The following KLHL13 variants were observed in gnomAD, a reference collection of about 807,000 sequenced individuals.
The protein encoded by KLHL13 is kelch like family member 13.
KLHL13 carries 10 observed loss-of-function variants against 37.1 expected under a neutral mutation model. The observed-to-expected ratio is 0.27, with a 90% CI of 0.17 to 0.46. KLHL13 has a LOEUF of 0.46. KLHL13 is among the 20% of genes least tolerant of loss of function. The pLI is 1.00. For missense variants in KLHL13, 360 were observed against 509.3 expected (o/e 0.71, Z 2.82); for synonymous variants, 163 against 181.2 (o/e 0.90, Z 0.81).
intron 1 of KLHL13, among the ~76,000 whole-genome samples, chrX:118,001,038 G>T (rs1057284335): frequency 1.8e-5 from 2 of 112,012 alleles, no homozygotes; most frequent in Admixed American, 1.9e-4. Context: ...CAAGCAAAAA[G>T]TGTAAAGAAC....
chrX:118,062,256 C>T (rs1006771370), intron 1 of KLHL13, among the ~76,000 whole-genome samples: 3 of 110,951 alleles, frequency 2.7e-5, no homozygotes, highest in Non-Finnish European at 3.8e-5. Flanking sequence ...GTGAGAATAT[C>T]GTACTTCCTC....
chrX:118,040,957 T>C (rs1037946037), intron 1 of KLHL13, among the ~76,000 whole-genome samples: 3 of 112,228 alleles, frequency 2.7e-5, no homozygotes, highest in Non-Finnish European at 1.9e-5. Flanking sequence ...TAGAGTAGTA[T>C]ATCTGGCAAA....
At position 118,105,003 on chromosome X, in the gene KLHL13, A is replaced by G. The variant is rs762680050; in HGVS notation, c.-56+11505T>C. Among the ~76,000 whole-genome samples the G allele has an allele frequency of 8.9e-3, 1,001 of 112,552 alleles. 13 individuals carry two copies. The highest frequency in any genetic ancestry group is 0.03 in the African/African-American group (940 of 31,048). On this transcript the variant is annotated intron_variant, in intron 1 of 6. Transcript: ENST00000371882. Reference sequence around the variant, plus strand: ...GCTCTGATTAGCTGTCAGTAAAAAGATTGTCAATTTGTTTTAACCTCTAAA... The same window carrying G: ...GCTCTGATTAGCTGTCAGTAAAAAGGTTGTCAATTTGTTTTAACCTCTAAA...
intron 1 of KLHL13, among the ~76,000 whole-genome samples, chrX:118,005,570 T>C (rs1277209636): frequency 9.0e-6 from 1 of 111,367 alleles, no homozygotes; most frequent in Non-Finnish European, 1.9e-5. Flanking sequence ...TCCTCAACAT[T>C]GGAAGAGGAA....
intron 1 of KLHL13, among the ~76,000 whole-genome samples, chrX:117,997,829 A>C (rs1237022049): frequency 3.6e-5 from 4 of 111,939 alleles, no homozygotes; most frequent in Admixed American, 2.9e-4. Context: ...CTAGTTTGTA[A>C]GTACCCCTGA....
At chrX:118,001,319 G>A (rs1326902326) in intron 1 of KLHL13, among the ~76,000 whole-genome samples, 2 of 111,701 alleles carry the variant, frequency 1.8e-5, no homozygotes, top group African/African-American at 3.3e-5. Context: ...GATATTCTAT[G>A]GCTCCTGCAG....
At chrX:118,091,987 C>T (rs768776068) in intron 1 of KLHL13, among the ~76,000 whole-genome samples, 8 of 111,924 alleles carry the variant, frequency 7.1e-5, no homozygotes, top group Non-Finnish European at 1.5e-4. Flanking sequence ...TGTATTCTCA[C>T]TCATATGCGG....
chrX:117,996,688 C>G (rs1296942703), intron 1 of KLHL13, among the ~76,000 whole-genome samples: 1 of 110,408 alleles, frequency 9.1e-6, no homozygotes, highest in African/African-American at 3.3e-5. Context: ...GTGTGATATA[C>G]CAGGCTTTTT....
At chrX:117,927,387 C>A (rs1037975590) in intron 2 of KLHL13, among the ~76,000 whole-genome samples, 2 of 112,247 alleles carry the variant, frequency 1.8e-5, no homozygotes, top group East Asian at 5.7e-4. Context: ...AAAGAGGAAC[C>A]TTTCTCCTTG....
chrX:118,071,879 A>C (rs1333973383), intron 1 of KLHL13, among the ~76,000 whole-genome samples: 6 of 106,144 alleles, frequency 5.7e-5, no homozygotes, highest in African/African-American at 2.1e-4. Context: ...AGGAAGAATC[A>C]ATATCGTGAA....
chrX:118,009,210 C>T (rs1423572525), intron 1 of KLHL13, among the ~76,000 whole-genome samples: 1 of 97,179 alleles, frequency 1.0e-5, no homozygotes, highest in Admixed American at 1.2e-4. Context: ...TGCCTGTTCA[C>T]TCTGATGGTA....
At chrX:117,920,041 TAA>T (rs1367932316) in intron 3 of KLHL13, among the ~76,000 whole-genome samples, 195 bp downstream of exon 4, 1 of 106,955 alleles carries the variant, frequency 9.3e-6, no homozygotes, top group Non-Finnish European at 1.9e-5. Context: ...AGCTGTGAGA[TAA>T]AGATGGACAG....
intron 1 of KLHL13, among the ~76,000 whole-genome samples, chrX:117,988,189 A>G (rs1457689505): frequency 8.9e-6 from 1 of 112,263 alleles, no homozygotes; most frequent in African/African-American, 3.2e-5. Context: ...CCAAATTCAC[A>G]TAACTAGTTC....
chrX:117,988,511 T>C (rs768474779), intron 1 of KLHL13, among the ~76,000 whole-genome samples: 27 of 112,105 alleles, frequency 2.4e-4, no homozygotes, highest in African/African-American at 8.7e-4. Context: ...GGAGTATTTA[T>C]ATTGGAAGCA....
intron 1 of KLHL13, among the ~76,000 whole-genome samples, chrX:118,006,633 T>C (rs1435572963): frequency 2.7e-5 from 3 of 112,283 alleles, no homozygotes; most frequent in South Asian, 3.7e-4. Context: ...CTTGAATTTA[T>C]TCAGGGTCCA....
chrX:118,021,381 C>T (rs1284845141), intron 1 of KLHL13, among the ~76,000 whole-genome samples: 11 of 106,224 alleles, frequency 1.0e-4, no homozygotes, highest in Admixed American at 4.1e-4. Flanking sequence ...TAATGTTATC[C>T]CTCCCCCCTA....
chrX:118,003,967 C>T (rs773621136), intron 1 of KLHL13, among the ~76,000 whole-genome samples: 52 of 110,609 alleles, frequency 4.7e-4, no homozygotes, highest in Non-Finnish European at 7.9e-4. Context: ...TGATGTGGTA[C>T]GGTGAAATGC....
At chrX:118,092,036 C>T (rs751388824) in intron 1 of KLHL13, among the ~76,000 whole-genome samples, 1 of 111,578 alleles carries the variant, frequency 9.0e-6, no homozygotes, top group African/African-American at 3.2e-5. Flanking sequence ...AAGAATGATA[C>T]ATTAGACTTT....
chrX:118,091,036 C>A (rs1483675734), intron 1 of KLHL13, among the ~76,000 whole-genome samples: 2 of 103,445 alleles, frequency 1.9e-5, no homozygotes, highest in African/African-American at 7.1e-5. Context: ...GGACAAAAAA[C>A]CAAACACCGC....
Sources: gnomAD v4.1 joint callset for allele counts (sites outside exome capture counted in the v4.1 genomes callset) on GRCh38, gnomAD v4.1.1 for gene constraint, MANE v1.5 for transcripts, NCBI Gene and HGNC (gene_info 2026-07-23, HGNC 2026-07-21) for gene names.